IMMP1L: variants seen among roughly 807,000 people sequenced by gnomAD.
The protein encoded by IMMP1L is inner mitochondrial membrane peptidase subunit 1.
Under a neutral mutation model 21.8 loss-of-function variants are expected in IMMP1L, and 24 were observed. The observed-to-expected ratio is 1.10, with a 90% CI of 0.80 to 1.55. The LOEUF is 1.55. Ranked by LOEUF, IMMP1L falls within the 40% of genes most tolerant of loss-of-function variation. The pLI is 0.00. For synonymous variants in IMMP1L, 46 were observed against 62.8 expected (o/e 0.73, Z 1.26); for missense variants, 195 against 200.7 (o/e 0.97, Z 0.17).
chr11:31,481,140 G>GA (rs914986600), intron 1 of IMMP1L, among the ~76,000 whole-genome samples: 1 of 152,090 alleles, frequency 6.6e-6, no homozygotes, highest in African/African-American at 2.4e-5. Flanking sequence ...ACCTCCTTGT[G>GA]ATCTCTGGTT....
At chr11:31,465,093 T>C (rs1237629435) in intron 1 of IMMP1L, among the ~76,000 whole-genome samples, 2 of 152,156 alleles carry the variant, frequency 1.3e-5, no homozygotes, top group Non-Finnish European at 2.9e-5. Context: ...TCAATATAGT[T>C]GCAGGATACA....
intron 4 of IMMP1L, among the ~76,000 whole-genome samples, chr11:31,442,337 A>G (rs1953363360): frequency 6.6e-6 from 1 of 152,190 alleles, no homozygotes; most frequent in Non-Finnish European, 1.5e-5. Flanking sequence ...CCATTTAACA[A>G]AAGAGGCTTT....
intron 1 of IMMP1L, among the ~76,000 whole-genome samples, chr11:31,476,497 T>C (rs1398888472): frequency 6.6e-6 from 1 of 152,044 alleles, no homozygotes; most frequent in African/African-American, 2.4e-5. Context: ...GTGCATCAGG[T>C]ATAAAATTGA....
At chr11:31,473,778 C>A in intron 1 of IMMP1L, 1 of 984,592 alleles carries the variant, frequency 1.0e-6, no homozygotes, top group Non-Finnish European at 1.2e-6. Context: ...TTGTTCAGGT[C>A]TGAAATTCCT....
At chr11:31,479,227 T>C (rs1199432855) in intron 1 of IMMP1L, among the ~76,000 whole-genome samples, 1 of 152,104 alleles carries the variant, frequency 6.6e-6, no homozygotes, top group Non-Finnish European at 1.5e-5. Flanking sequence ...CAAGTTTGAT[T>C]TGCCGACAAT....
intron 4 of IMMP1L, among the ~76,000 whole-genome samples, chr11:31,454,025 A>AAGAT (rs1953851543): frequency 6.6e-6 from 1 of 152,180 alleles, no homozygotes; most frequent in Non-Finnish European, 1.5e-5. Context: ...TATCAGTAAA[A>AAGAT]TACTGTTACC....
intron 1 of IMMP1L, among the ~76,000 whole-genome samples, chr11:31,495,960 C>G (rs1048186008): frequency 6.6e-6 from 1 of 151,904 alleles, no homozygotes; most frequent in Non-Finnish European, 1.5e-5. Context: ...ACAAAGGTCA[C>G]AAAAGAAATA....
chr11:31,433,636 G>A lies in IMMP1L; in HGVS notation c.322-66C>T. On this transcript the variant is annotated intron_variant, in intron 4 of 5. Coordinates refer to ENST00000532287, the MANE Select transcript of IMMP1L (RefSeq NM_001304274.2). ...CTAATTTGGGTACTATAATTAAAAA[G>A]CATGTCATTCAGAGGTAGGGAGAAA... 7 of 965,158 alleles carry A rather than the reference G, an allele frequency of 7.3e-6. No individual in the cohort carries two copies. In the South Asian group the frequency reaches 8.6e-5, roughly 12 times the overall value. 59.8% of individuals were successfully genotyped at this position (965,158 alleles called of 1,614,324 possible). A position where few individuals can be genotyped will look rare whatever the true frequency, so the allele number is the denominator to read the frequency against.
chr11:31,435,711 T>TC (rs1953096446), intron 4 of IMMP1L, among the ~76,000 whole-genome samples: 1 of 152,160 alleles, frequency 6.6e-6, no homozygotes, highest in African/African-American at 2.4e-5. Context: ...CTCCTTTTTT[T>TC]CCCTCATTTC....
At chr11:31,456,555 ATACTT>A (rs1564979521) in intron 3 of IMMP1L, among the ~76,000 whole-genome samples, 169 bp from the exon 4 acceptor site, 2 of 152,152 alleles carry the variant, frequency 1.3e-5, no homozygotes, top group Non-Finnish European at 2.9e-5. Context: ...TTGTGACTGA[ATACTT>A]TAGGTGAGAA....
At chr11:31,459,537 TCA>T in intron 3 of IMMP1L, among the ~76,000 whole-genome samples, 1 of 152,280 alleles carries the variant, frequency 6.6e-6, no homozygotes, top group Non-Finnish European at 1.5e-5. Flanking sequence ...TAAATCATTC[TCA>T]TAGAGTTAAT....
intron 3 of IMMP1L, among the ~76,000 whole-genome samples, chr11:31,458,373 ATCTTAACATTC>A (rs1258775891): frequency 6.6e-6 from 1 of 152,132 alleles, no homozygotes; most frequent in East Asian, 1.9e-4. Flanking sequence ...TATCTCATTA[ATCTTAACATTC>A]TCTATAATGT....
chr11:31,471,369 G>C (rs1591997218), intron 1 of IMMP1L, among the ~76,000 whole-genome samples: 1 of 152,060 alleles, frequency 6.6e-6, no homozygotes, highest in Non-Finnish European at 1.5e-5. Flanking sequence ...TCCGTGTATG[G>C]CCTCCAGGTA....
chr11:31,491,488 G>A (rs951652329), intron 1 of IMMP1L, among the ~76,000 whole-genome samples: 8 of 152,334 alleles, frequency 5.3e-5, no homozygotes, highest in South Asian at 2.1e-4. Context: ...GTGGCAAAAC[G>A]TAGAACTTGG....
chr11:31,484,834 T>C (rs905335585), intron 1 of IMMP1L, among the ~76,000 whole-genome samples: 3 of 151,882 alleles, frequency 2.0e-5, no homozygotes, highest in Non-Finnish European at 4.4e-5. Context: ...TGCAATAAAC[T>C]ACATAAAGCT....
At chr11:31,443,314 T>G (rs560385157) in intron 4 of IMMP1L, among the ~76,000 whole-genome samples, 1 of 152,164 alleles carries the variant, frequency 6.6e-6, no homozygotes, top group Non-Finnish European at 1.5e-5. Flanking sequence ...ACCCTTCCTA[T>G]AGTGCCAGCA....
At chr11:31,434,994 A>G (rs1393677566) in intron 4 of IMMP1L, among the ~76,000 whole-genome samples, 2 of 152,350 alleles carry the variant, frequency 1.3e-5, no homozygotes, top group East Asian at 3.9e-4. Flanking sequence ...TGGAAAAGCC[A>G]TATGTAATTA....
chr11:31,493,481 G>A (rs1011198832), intron 1 of IMMP1L, among the ~76,000 whole-genome samples: 2 of 152,094 alleles, frequency 1.3e-5, no homozygotes, highest in Non-Finnish European at 2.9e-5. Flanking sequence ...TATGGAAACT[G>A]TAATTCAAGA....
intron 1 of IMMP1L, among the ~76,000 whole-genome samples, chr11:31,474,129 G>C (rs1300493166): frequency 6.6e-6 from 1 of 152,120 alleles, no homozygotes; most frequent in African/African-American, 2.4e-5. Context: ...AAAAATAGTA[G>C]ATTTTGACAT....
Sources: allele counts gnomAD v4.1 joint callset (sites outside exome capture counted in the v4.1 genomes callset), GRCh38; gene constraint gnomAD v4.1.1; transcripts MANE v1.5; gene names NCBI Gene and HGNC (gene_info 2026-07-23, HGNC 2026-07-21).